The following SBF2 variants were observed in gnomAD, a reference collection of about 807,000 sequenced individuals.
SBF2 encodes the protein myotubularin-related protein 13.
Under a neutral mutation model 225.2 loss-of-function variants are expected in SBF2, and 112 were observed. The observed-to-expected ratio is 0.50, with a 90% CI of 0.43 to 0.58. The LOEUF (loss-of-function observed/expected upper bound fraction) is 0.58. SBF2 is among the 20% of genes least tolerant of loss of function. SBF2 has a pLI of 0.00. For synonymous variants in SBF2, 763 were observed against 773.3 expected (o/e 0.99, Z 0.22); for missense variants, 1,996 against 2,206.2 (o/e 0.90, Z 1.91).
chr11:9,973,685 C>T (rs992414653), intron 13 of SBF2, among the ~76,000 whole-genome samples: 1 of 152,120 alleles, frequency 6.6e-6, no homozygotes, highest in Non-Finnish European at 1.5e-5. Flanking sequence ...CGCCCAGCTA[C>T]CCCCAGCTTT....
At chr11:9,934,672 A>C (rs555724498) in intron 16 of SBF2, among the ~76,000 whole-genome samples, 1 of 152,328 alleles carries the variant, frequency 6.6e-6, no homozygotes, top group East Asian at 1.9e-4. Context: ...CAATAAATGT[A>C]ATCTATCACA....
chr11:10,183,609 G>A (rs1956819694), intron 2 of SBF2, among the ~76,000 whole-genome samples: 1 of 152,128 alleles, frequency 6.6e-6, no homozygotes, highest in South Asian at 2.1e-4. Flanking sequence ...AAGGGTCAAG[G>A]CTCATTTTTT....
At chr11:10,214,867 T>G (rs914101741) in intron 1 of SBF2, among the ~76,000 whole-genome samples, 2 of 152,056 alleles carry the variant, frequency 1.3e-5, no homozygotes, top group Non-Finnish European at 2.9e-5. Flanking sequence ...CCACTCCAGG[T>G]AGTTTAAGCA....
intron 1 of SBF2, among the ~76,000 whole-genome samples, chr11:10,204,445 C>T (rs1957676260): frequency 6.6e-6 from 1 of 151,938 alleles, no homozygotes; most frequent in East Asian, 1.9e-4. Context: ...TCGAGACCAT[C>T]CTGGCCAACA....
intron 2 of SBF2, among the ~76,000 whole-genome samples, chr11:10,128,094 T>C (rs1244720932): frequency 4.6e-5 from 7 of 152,206 alleles, no homozygotes; most frequent in South Asian, 2.1e-4. Flanking sequence ...CTAAATGATG[T>C]TGAGCAAATT....
intron 2 of SBF2, among the ~76,000 whole-genome samples, chr11:10,097,172 G>A (rs1952057818): frequency 6.6e-6 from 1 of 152,150 alleles, no homozygotes; most frequent in Admixed American, 6.5e-5. Context: ...CACCCTGTCC[G>A]TCACTTTCGC....
chr11:10,099,240 A>G (rs1170603990), intron 2 of SBF2, among the ~76,000 whole-genome samples: 2 of 152,202 alleles, frequency 1.3e-5, no homozygotes, highest in Admixed American at 1.3e-4. Flanking sequence ...ATCAGAGACA[A>G]AGAAACACCA....
At chr11:10,304,780 G>A (rs764434241) in exon 1 of SBF2, 1 of 152,364 alleles carries the variant, frequency 6.6e-6, no homozygotes, top group Non-Finnish European at 1.5e-5. Flanking sequence ...AGGTTGTAGT[G>A]GCGCCCCTTC....
At chr11:9,885,269 A>AAAC (rs1860184153) in intron 17 of SBF2, among the ~76,000 whole-genome samples, 1 of 150,094 alleles carries the variant, frequency 6.7e-6, no homozygotes, top group Non-Finnish European at 1.5e-5. Flanking sequence ...AAAAAAAAAA[A>AAAC]AAAAAAACCC....
At chr11:10,232,183 C>G (rs1032446977) in intron 1 of SBF2, among the ~76,000 whole-genome samples, 1 of 152,138 alleles carries the variant, frequency 6.6e-6, no homozygotes, top group East Asian at 1.9e-4. Context: ...TGGGAGTGAC[C>G]CGATTTTCCA....
rs1482163005 is a variant in SBF2 at position 10,105,158 on chromosome 11, C to T, written c.142-62177G>A. Reference sequence around the variant, plus strand: ...ACTGAAAGACTTTGTGAACGATGGGCTACAGATAGATTAGCGCTGTAAGGG... The same window carrying T: ...ACTGAAAGACTTTGTGAACGATGGGTTACAGATAGATTAGCGCTGTAAGGG... On this transcript the variant is annotated intron_variant, in intron 2 of 39. Transcript: ENST00000256190. Among the ~76,000 whole-genome samples, 3 of 151,254 alleles carry T rather than the reference C, an allele frequency of 2.0e-5. No homozygotes were observed. The South Asian group carries it at 6.3e-4, about 32-fold the overall frequency.
Position 9,828,053 on chromosome 11 carries a change from T to C in SBF2, c.3793+1303A>G, listed in dbSNP as rs143066202. 4.9e-4 allele frequency: 410 copies of C among 843,042 alleles called. 3 individuals carry two copies. The African/African-American group carries it at 6.7e-3, about 14-fold the overall frequency. 52.2% of individuals were successfully genotyped at this position (843,042 alleles called of 1,614,324 possible). A position where few individuals can be genotyped will look rare whatever the true frequency, so the allele number is the denominator to read the frequency against. On this transcript the variant is annotated intron_variant, in intron 28 of 39. Coordinates refer to ENST00000256190, the MANE Select transcript of SBF2 (RefSeq NM_030962.4). ...AATCATAATTAATTGATTTAAAATA[T>C]CAACTATCTAGAAAAATGCTTTCTG...
chr11:10,086,654 C>G (rs1276995922), intron 2 of SBF2, among the ~76,000 whole-genome samples: 1 of 152,144 alleles, frequency 6.6e-6, no homozygotes, highest in South Asian at 2.1e-4. Context: ...CTTTATAAAA[C>G]AGGTATAATA....
intron 16 of SBF2, among the ~76,000 whole-genome samples, chr11:9,945,739 C>T (rs1274787390): frequency 6.6e-6 from 1 of 151,832 alleles, no homozygotes; most frequent in Admixed American, 6.6e-5. Flanking sequence ...CTTAAACCAA[C>T]AAGCAAACCC....
At chr11:9,887,078 G>A (rs922387168) in intron 17 of SBF2, among the ~76,000 whole-genome samples, 5 of 151,702 alleles carry the variant, frequency 3.3e-5, no homozygotes, top group African/African-American at 4.8e-5. Context: ...TTAGTAGGCT[G>A]CCTCATTTTT....
chr11:9,886,476 C>G (rs1860310737), intron 17 of SBF2, among the ~76,000 whole-genome samples: 1 of 152,060 alleles, frequency 6.6e-6, no homozygotes, highest in Non-Finnish European at 1.5e-5. Context: ...AGTTAAAATT[C>G]TGCAATTTTC....
At chr11:10,045,465 C>A (rs1353081242) in intron 2 of SBF2, among the ~76,000 whole-genome samples, 1 of 152,106 alleles carries the variant, frequency 6.6e-6, no homozygotes, top group Non-Finnish European at 1.5e-5. Flanking sequence ...CTGCACCCGG[C>A]CTATTGCTTT....
intron 2 of SBF2, among the ~76,000 whole-genome samples, chr11:10,048,890 A>G (rs1175761627): frequency 6.6e-6 from 1 of 152,230 alleles, no homozygotes; most frequent in African/African-American, 2.4e-5. Flanking sequence ...AACAGATTTT[A>G]ATGTAACCAT....
At chr11:9,965,215 A>G (rs1341525260) in intron 14 of SBF2, among the ~76,000 whole-genome samples, 1 of 152,224 alleles carries the variant, frequency 6.6e-6, no homozygotes, top group South Asian at 2.1e-4. Context: ...ATACCTAAGA[A>G]GAAAGACTAT....
Sources: gnomAD v4.1 joint callset for allele counts (sites outside exome capture counted in the v4.1 genomes callset) on GRCh38, gnomAD v4.1.1 for gene constraint, MANE v1.5 for transcripts, NCBI Gene and HGNC (gene_info 2026-07-23, HGNC 2026-07-21) for gene names.